Variants in SEPTIN9 observed in about 807,000 individuals in gnomAD.
The protein encoded by SEPTIN9 is septin 9.
SEPTIN9 carries 13 observed loss-of-function variants against 56.6 expected under a neutral mutation model. The ratio of observed to expected loss-of-function variants is 0.23; its 90% CI spans 0.15 to 0.37. The LOEUF (loss-of-function observed/expected upper bound fraction) is 0.37. Among genes scored for constraint, SEPTIN9 ranks in the 10% least tolerant of loss-of-function variants. SEPTIN9 has a pLI of 1.00. For synonymous variants in SEPTIN9, 332 were observed against 334.1 expected, an observed-to-expected ratio of 0.99 and a Z score of 0.07; for missense variants, 650 against 823.1, an observed-to-expected ratio of 0.79 and a Z score of 2.57.
At chr17:77,491,474 A>G (rs1452032718) in intron 8 of SEPTIN9, among the ~76,000 whole-genome samples, 3 of 151,378 alleles carry the variant, frequency 2.0e-5, no homozygotes, top group African/African-American at 7.3e-5. Context: ...CTGGGGTTAC[A>G]GGCATGAGCC....
chr17:77,410,746 C>T (rs2036267616), intron 3 of SEPTIN9, among the ~76,000 whole-genome samples: 1 of 152,192 alleles, frequency 6.6e-6, no homozygotes, highest in Admixed American at 6.5e-5. Context: ...CCAACACAAC[C>T]CTTACTTAAT....
In SEPTIN9 at chr17:77,493,096, G is replaced by A. The variant is rs1378724321; in HGVS notation, c.1573+20G>A. ...TCGAAGGTACTCGCCGCAGGCGCCG[G>A]GGCTCCAGACAGATGGGAAGACAGT... On this transcript the variant is annotated intron_variant, in intron 10 of 11. Transcript: ENST00000427177. 4.6e-6 allele frequency: 7 copies of A among 1,530,838 alleles called. No homozygotes were observed. Among genetic ancestry groups the A allele is most frequent in the Non-Finnish European group, 6.2e-6 (7 of 1,128,636 alleles). 94.8% of individuals were successfully genotyped at this position (1,530,838 alleles called of 1,614,324 possible).
chr17:77,333,569 T>A (rs2033439399), intron 2 of SEPTIN9, among the ~76,000 whole-genome samples: 1 of 152,234 alleles, frequency 6.6e-6, no homozygotes, highest in Non-Finnish European at 1.5e-5. Context: ...CAAAAGTGTG[T>A]CACTTTAATT....
Position 77,405,695 on chromosome 17 carries a change from G to C in SEPTIN9, c.721+2992G>C, listed in dbSNP as rs1262085380. ...ATCCGATGGGAGTGGCTTCTCGGGG[G>C]GCCCAGGCCTGAGCCCCACTAGTTC... On this transcript the variant is annotated intron_variant, in intron 3 of 11. Transcript: ENST00000427177. The surrounding 1 kb of genome is among the most constrained non-coding windows in gnomAD (Gnocchi z 5.8). 6.6e-6 allele frequency among the ~76,000 whole-genome samples: 1 copy of C among 152,110 alleles called. No individual in the cohort carries two copies. The highest frequency in any genetic ancestry group is 1.5e-5 in the Non-Finnish European group (1 of 68,006).
intron 3 of SEPTIN9, among the ~76,000 whole-genome samples, chr17:77,458,061 G>A (rs1300793210): frequency 6.6e-6 from 1 of 151,936 alleles, no homozygotes; most frequent in Non-Finnish European, 1.5e-5. Context: ...TGAGAGGGCT[G>A]CAGGACAGTC....
intron 2 of SEPTIN9, among the ~76,000 whole-genome samples, chr17:77,322,405 A>G (rs907665258): frequency 2.6e-5 from 4 of 152,260 alleles, no homozygotes; most frequent in South Asian, 2.1e-4. Context: ...TGCTTTCTAC[A>G]AAATCCCATT....
rs1231598675 is a variant in SEPTIN9, at chr17:77,367,139, A to G, written c.77-34920A>G. On this transcript the variant is annotated intron_variant, in intron 2 of 11. Transcript: ENST00000427177. This position sits in a 1 kb window ranked among gnomAD's most constrained non-coding sequence, Gnocchi z 4.5. ...ACCGGCTCAGTCAGGCTGAATGGGG[A>G]AATGCAAACTCAGGTGGCCTGAAAG... Among the ~76,000 whole-genome samples the G allele has an allele frequency of 6.6e-6, 1 of 152,110 alleles. No homozygotes were observed. The highest frequency in any genetic ancestry group is 2.4e-5 in the African/African-American group (1 of 41,420).
At chr17:77,304,146 T>C (rs762038292) in intron 1 of SEPTIN9, among the ~76,000 whole-genome samples, 4 of 152,216 alleles carry the variant, frequency 2.6e-5, no homozygotes, top group Non-Finnish European at 4.4e-5. Context: ...TCCAAGGAGC[T>C]GAACTGGAGC....
chr17:77,492,611 C>T lies in SEPTIN9; in HGVS notation c.1381-10C>T, dbSNP rs768854806. 6.2e-7 allele frequency: 1 copy of T among 1,613,504 alleles called. No individual in the cohort carries two copies. Among genetic ancestry groups the T allele is most frequent in the Non-Finnish European group, 8.5e-7 (1 of 1,179,532 alleles). ...AGGGATGGGCCCATCTCTCTCCCTC[C>T]TTATCCCAGATCACCGCAGACCTGC... On this transcript the variant is annotated splice_polypyrimidine_tract_variant and intron_variant, in intron 8 of 11. Coordinates refer to ENST00000427177, the MANE Select transcript of SEPTIN9 (RefSeq NM_001113491.2). This position sits in a 1 kb window ranked among gnomAD's most constrained non-coding sequence, Gnocchi z 5.4.
chr17:77,384,699 C>T (rs972683130), intron 2 of SEPTIN9, among the ~76,000 whole-genome samples: 8 of 151,846 alleles, frequency 5.3e-5, no homozygotes, highest in African/African-American at 1.7e-4. Flanking sequence ...CTGAACAGTC[C>T]GAGCCAAGAA....
chr17:77,409,724 C>T (rs1012908743), intron 3 of SEPTIN9, among the ~76,000 whole-genome samples: 17 of 152,264 alleles, frequency 1.1e-4, no homozygotes, highest in Middle Eastern at 3.4e-3. Context: ...CTCCCAGGCC[C>T]GGGACAGCTG....
At chr17:77,335,444 GA>G (rs1204919058) in intron 2 of SEPTIN9, among the ~76,000 whole-genome samples, 2 of 147,892 alleles carry the variant, frequency 1.4e-5, no homozygotes, top group Non-Finnish European at 3.0e-5. Flanking sequence ...GCCCCATGTT[GA>G]CTGTATATGT....
intron 2 of SEPTIN9, among the ~76,000 whole-genome samples, chr17:77,377,787 A>C (rs138059889): frequency 7.2e-5 from 11 of 152,152 alleles, no homozygotes; most frequent in African/African-American, 2.7e-4. Flanking sequence ...ATAGGTGCAG[A>C]CCTGTCCCTA....
intron 2 of SEPTIN9, among the ~76,000 whole-genome samples, chr17:77,359,355 A>G (rs778793818): frequency 2.0e-5 from 3 of 152,256 alleles, no homozygotes; most frequent in Non-Finnish European, 4.4e-5. Flanking sequence ...GGGAGAAAGT[A>G]AGATTGGAAA....
chr17:77,462,583 C>T (rs753381971), intron 3 of SEPTIN9, among the ~76,000 whole-genome samples: 4 of 152,192 alleles, frequency 2.6e-5, no homozygotes, highest in Non-Finnish European at 4.4e-5. Context: ...TGTGCCCGGC[C>T]TAGGCCTGAA....
intron 3 of SEPTIN9, among the ~76,000 whole-genome samples, chr17:77,439,779 G>A (rs995403229): frequency 9.2e-5 from 14 of 152,202 alleles, no homozygotes; most frequent in African/African-American, 3.1e-4. Context: ...TGAGAGCCCC[G>A]CCCTGGGCCT....
At chr17:77,399,358 T>G (rs984626461) in intron 2 of SEPTIN9, among the ~76,000 whole-genome samples, 13 of 152,134 alleles carry the variant, frequency 8.5e-5, no homozygotes, top group African/African-American at 2.9e-4. Flanking sequence ...GTTCTCCAAC[T>G]TGACCGCACG....
intron 3 of SEPTIN9, among the ~76,000 whole-genome samples, chr17:77,468,201 C>T (rs894359479): frequency 1.3e-5 from 2 of 152,126 alleles, no homozygotes; most frequent in East Asian, 3.9e-4. Context: ...GGAGGCAGAG[C>T]TTGCAGTGAG....
At chr17:77,472,096 C>T (rs1447998828) in intron 3 of SEPTIN9, among the ~76,000 whole-genome samples, 5 of 152,112 alleles carry the variant, frequency 3.3e-5, no homozygotes, top group African/African-American at 1.2e-4. Context: ...TGCTCTGGCC[C>T]AAGATTGATG....
Sources: gnomAD v4.1 joint callset for allele counts (sites outside exome capture counted in the v4.1 genomes callset) on GRCh38, gnomAD v4.1.1 for gene constraint, Gnocchi (gnomAD v3.1) non-coding constraint, MANE v1.5 for transcripts, NCBI Gene and HGNC (gene_info 2026-07-23, HGNC 2026-07-21) for gene names.